The following GPM6A variants were observed in gnomAD, a reference collection of about 807,000 sequenced individuals.
GPM6A encodes neuronal membrane glycoprotein M6-a.
A neutral mutation model predicts 32.1 loss-of-function variants in GPM6A; 7 were observed. That is an observed-to-expected ratio of 0.22 (90% CI 0.12 to 0.41). The LOEUF is 0.41. Ranked by LOEUF, GPM6A falls within the 10% of genes least tolerant of loss-of-function variation. The probability of loss-of-function intolerance (pLI) is 1.00; values close to 1 mark genes in which losing one functional copy is unlikely to be tolerated. For missense variants in GPM6A, 235 were observed against 347.2 expected (o/e 0.68, Z 2.57); for synonymous variants, 130 against 123.4 (o/e 1.05, Z -0.35).
At chr4:175,786,285 T>A (rs1666199641) in intron 1 of GPM6A, among the ~76,000 whole-genome samples, 1 of 145,428 alleles carries the variant, frequency 6.9e-6, no homozygotes, top group African/African-American at 2.5e-5. Flanking sequence ...TCAGGAAAGG[T>A]TTTTTGTTTT....
intron 1 of GPM6A, among the ~76,000 whole-genome samples, chr4:175,734,423 C>T (rs1475338248): frequency 6.6e-6 from 1 of 152,000 alleles, no homozygotes; most frequent in Non-Finnish European, 1.5e-5. Context: ...CGTGATTGGC[C>T]ACAATGAGTA....
In GPM6A at chr4:175,697,716, T is replaced by C. The variant is rs1052878025; in HGVS notation, c.230+3859A>G. Among the ~76,000 whole-genome samples the C allele has an allele frequency of 5.3e-5, 8 of 152,218 alleles. No individual in the cohort carries two copies. The East Asian group carries it at 1.5e-3, about 29-fold the overall frequency. On this transcript the variant is annotated intron_variant, in intron 2 of 6. Coordinates refer to ENST00000393658, the MANE Select transcript of GPM6A (RefSeq NM_201591.3). The stretch of plus-strand genomic sequence containing the variant: ...GTTATATAAATGAGTAACAAAATCT[T>C]TGAGAAATTCTTTGAGAAATACATT...
intron 1 of GPM6A, among the ~76,000 whole-genome samples, chr4:175,837,840 AT>A (rs976371939): frequency 5.3e-5 from 8 of 151,948 alleles, no homozygotes; most frequent in African/African-American, 1.9e-4. Context: ...GGAGATCGCT[AT>A]TTTTTTCTGT....
chr4:175,829,645 T>C (rs1404752379), intron 1 of GPM6A, among the ~76,000 whole-genome samples: 3 of 21,816 alleles, frequency 1.4e-4, no homozygotes, highest in Admixed American at 8.8e-4. Context: ...AAGTCATTTA[T>C]GTAATATATA....
chr4:175,775,793 A>T (rs1444656644), intron 1 of GPM6A, among the ~76,000 whole-genome samples: 1 of 152,148 alleles, frequency 6.6e-6, no homozygotes, highest in Non-Finnish European at 1.5e-5. Context: ...CAGATAAGCC[A>T]ATTAAATGTT....
rs530298230 is a variant in GPM6A, at chr4:175,693,950, G to A, written c.230+7625C>T. Among the ~76,000 whole-genome samples, 125 of 152,214 alleles carry A rather than the reference G, an allele frequency of 8.2e-4. 1 individual carries two copies. The highest frequency in any genetic ancestry group is 3.4e-3 in the Middle Eastern group (1 of 294). On this transcript the variant is annotated intron_variant, in intron 2 of 6. Coordinates refer to ENST00000393658, the MANE Select transcript of GPM6A (RefSeq NM_201591.3). ...AAAGTGAGTGAGTGAGTTACGGTGA[G>A]ATGTGGTTGTTGAAAGTGTGCAGCA... is the stretch of plus-strand genomic sequence containing the variant.
chr4:175,957,197 C>T (rs10520319), intron 1 of GPM6A, among the ~76,000 whole-genome samples: 29,662 of 152,066 alleles, frequency 0.2, 3,763 homozygotes, highest in African/African-American at 0.36. Context: ...GTTTTACCCA[C>T]TATTACAGCC....
At chr4:175,676,429 A>G (rs1005048325) in intron 2 of GPM6A, among the ~76,000 whole-genome samples, 2 of 152,200 alleles carry the variant, frequency 1.3e-5, no homozygotes, top group East Asian at 3.8e-4. Flanking sequence ...ATCTTCCACT[A>G]GAACGATATC....
At chr4:175,716,896 T>C (rs916178017) in intron 1 of GPM6A, among the ~76,000 whole-genome samples, 2 of 152,230 alleles carry the variant, frequency 1.3e-5, no homozygotes, top group African/African-American at 4.8e-5. Context: ...AATAATGCAA[T>C]TCCTGGGATA....
intron 1 of GPM6A, among the ~76,000 whole-genome samples, chr4:175,883,388 A>G (rs1325239995): frequency 1.3e-5 from 2 of 152,152 alleles, no homozygotes; most frequent in African/African-American, 4.8e-5. Context: ...TCAAAACCAA[A>G]TATTATCTTG....
intron 1 of GPM6A, among the ~76,000 whole-genome samples, chr4:175,894,025 A>G (rs983804200): frequency 3.9e-5 from 6 of 152,186 alleles, no homozygotes; most frequent in African/African-American, 1.4e-4. Flanking sequence ...AAAGACAGAG[A>G]TTAAAAATAA....
intron 1 of GPM6A, among the ~76,000 whole-genome samples, chr4:175,890,585 G>T (rs1477366986): frequency 6.7e-6 from 1 of 149,620 alleles, no homozygotes; most frequent in Admixed American, 6.7e-5. Flanking sequence ...TTATTTTATT[G>T]AGACAGAGTC....
chr4:175,888,290 A>G (rs1029166210), intron 1 of GPM6A, among the ~76,000 whole-genome samples: 2 of 152,040 alleles, frequency 1.3e-5, no homozygotes, highest in African/African-American at 4.8e-5. Context: ...CTTTAAGCAT[A>G]CCAGAAATCG....
At chr4:175,826,588 A>G (rs188708204) in intron 1 of GPM6A, among the ~76,000 whole-genome samples, 1 of 152,340 alleles carries the variant, frequency 6.6e-6, no homozygotes, top group East Asian at 1.9e-4. Context: ...GTGGTAGAAG[A>G]GGGTGCTAAT....
intron 2 of GPM6A, among the ~76,000 whole-genome samples, chr4:175,681,899 A>T (rs1347016232): frequency 6.6e-6 from 1 of 152,198 alleles, no homozygotes; most frequent in Non-Finnish European, 1.5e-5. Context: ...GGACATTGCT[A>T]TAAAGATACA....
chr4:175,983,981 GCTCT>G (rs966164308), intron 1 of GPM6A, among the ~76,000 whole-genome samples: 12 of 147,368 alleles, frequency 8.1e-5, no homozygotes, highest in Admixed American at 2.0e-4. Context: ...TACCTATTGT[GCTCT>G]CTCTGTCTCT....
chr4:175,803,737 G>A (rs999192004), intron 1 of GPM6A, among the ~76,000 whole-genome samples: 1 of 152,110 alleles, frequency 6.6e-6, no homozygotes, highest in African/African-American at 2.4e-5. Context: ...CAGGTCATCT[G>A]ATTGGGAAAC....
chr4:175,850,271 G>A (rs1407068433), intron 1 of GPM6A, among the ~76,000 whole-genome samples: 2 of 152,106 alleles, frequency 1.3e-5, no homozygotes, highest in South Asian at 2.1e-4. Context: ...AATCACCACC[G>A]TGGGATTTAA....
intron 1 of GPM6A, among the ~76,000 whole-genome samples, chr4:175,836,830 A>G (rs1735784206): frequency 6.6e-6 from 1 of 152,158 alleles, no homozygotes; most frequent in Non-Finnish European, 1.5e-5. Flanking sequence ...GAACTATTAG[A>G]TGACTTGAAA....
Sources: allele counts gnomAD v4.1 joint callset (sites outside exome capture counted in the v4.1 genomes callset), GRCh38; gene constraint gnomAD v4.1.1; transcripts MANE v1.5; gene names NCBI Gene and HGNC (gene_info 2026-07-23, HGNC 2026-07-21).